Variants in IFI27L1 observed in about 807,000 individuals in gnomAD.
IFI27L1 encodes the protein interferon alpha-inducible protein 27-like protein 1.
IFI27L1 carries 3 observed loss-of-function variants against 9.2 expected under a neutral mutation model. That is an observed-to-expected ratio of 0.32 (90% confidence interval 0.15 to 0.84). IFI27L1 has a LOEUF of 0.84. Among genes scored for constraint, IFI27L1 ranks in the 40% least tolerant of loss-of-function variants. The pLI, the probability that IFI27L1 is intolerant of heterozygous loss-of-function variation, is 0.56. For missense variants in IFI27L1, 133 were observed against 134.2 expected (o/e 0.99, Z 0.05); for synonymous variants, 53 against 50.0 (o/e 1.06, Z -0.26).
chr14:94,091,507 G>T (rs578062454), intron 1 of IFI27L1, among the ~76,000 whole-genome samples: 5 of 152,160 alleles, frequency 3.3e-5, no homozygotes, highest in African/African-American at 9.6e-5. Context: ...ACCAAATAAG[G>T]CAAATATGTC....
Position 94,101,808 on chromosome 14 carries a change from C to T in IFI27L1, c.62-6C>T, listed in dbSNP as rs762161398. 39 of 1,614,088 alleles carry T rather than the reference C, an allele frequency of 2.4e-5. 1 individual carries two copies. The highest frequency in any genetic ancestry group is 1.8e-4 in the Admixed American group (11 of 60,014). ...GGGGCCAACCCCAAATCTCCACTTC[C>T]CGCAGTTGTGGCTGTGGGGACTGTG... On this transcript the variant is annotated splice_region_variant and splice_polypyrimidine_tract_variant and intron_variant, in intron 3 of 4. Transcript: ENST00000555523.
Position 94,097,104 on chromosome 14 carries a change from A to G in IFI27L1, c.28+139A>G, listed in dbSNP as rs1886703254. 9.1e-6 allele frequency: 6 copies of G among 662,018 alleles called. No individual in the cohort carries two copies. The Admixed American group carries it at 1.9e-4, about 21-fold the overall frequency. 41.0% of individuals were successfully genotyped at this position (662,018 alleles called of 1,614,324 possible). On this transcript the variant is annotated intron_variant, in intron 2 of 4. Transcript: ENST00000555523. Reference sequence around the variant, plus strand: ...ATCCATGGAAAAGAATTATTCAGGAATGAATGACGGGATTTTTAAATCCCA... The same window carrying G: ...ATCCATGGAAAAGAATTATTCAGGAGTGAATGACGGGATTTTTAAATCCCA...
chr14:94,082,455 T>C (rs150727969), intron 1 of IFI27L1, among the ~76,000 whole-genome samples: 1 of 151,814 alleles, frequency 6.6e-6, no homozygotes, highest in Non-Finnish European at 1.5e-5. Flanking sequence ...CAGCAAGTAG[T>C]CAATGTAGAC....
rs866077990 is a variant in IFI27L1, at chr14:94,093,267, C to T, written c.-51-3620C>T. 4.1e-5 allele frequency among the ~76,000 whole-genome samples: 6 copies of T among 147,178 alleles called. 1 individual carries two copies. Among genetic ancestry groups the T allele is most frequent in the South Asian group, 4.4e-4 (2 of 4,584 alleles). On this transcript the variant is annotated intron_variant, in intron 1 of 4. Coordinates refer to ENST00000555523, the MANE Select transcript of IFI27L1 (RefSeq NM_206949.3). Reference sequence around the variant, plus strand: ...TTGCAAGCTCTGCCTCCTGGGTTCACGCCATTCTCCTGCCTCAGCCTCCCG... The same window carrying T: ...TTGCAAGCTCTGCCTCCTGGGTTCATGCCATTCTCCTGCCTCAGCCTCCCG...
At chr14:94,084,016 G>A (rs1323342864) in intron 1 of IFI27L1, among the ~76,000 whole-genome samples, 1 of 151,794 alleles carries the variant, frequency 6.6e-6, no homozygotes, top group Admixed American at 6.6e-5. Flanking sequence ...GCAAAATGAT[G>A]GCAAAGTTTC....
chr14:94,086,152 A>ATG (rs1203409579), intron 1 of IFI27L1, among the ~76,000 whole-genome samples: 1 of 150,916 alleles, frequency 6.6e-6, no homozygotes, highest in Non-Finnish European at 1.5e-5. Flanking sequence ...CTCTGAGTTC[A>ATG]TGTGAGATCT....
At chr14:94,096,520 C>T (rs535429508) in intron 1 of IFI27L1, among the ~76,000 whole-genome samples, 1 of 152,112 alleles carries the variant, frequency 6.6e-6, no homozygotes, top group East Asian at 1.9e-4. Flanking sequence ...ATGGTGAAAC[C>T]CTGTCTCTAC....
At chr14:94,096,511 T>C (rs1394171907) in intron 1 of IFI27L1, among the ~76,000 whole-genome samples, 1 of 152,086 alleles carries the variant, frequency 6.6e-6, no homozygotes, top group East Asian at 1.9e-4. Flanking sequence ...CTGACCAACA[T>C]GGTGAAACCC....
chr14:94,084,045 A>C (rs1886198771), intron 1 of IFI27L1, among the ~76,000 whole-genome samples: 1 of 152,254 alleles, frequency 6.6e-6, no homozygotes, highest in African/African-American at 2.4e-5. Context: ...TAGTGGAAAC[A>C]TAGGTATTTT....
In IFI27L1 at chr14:94,096,923, G is replaced by T; in HGVS notation, c.-15G>T. 1 of 1,613,410 alleles carries T rather than the reference G, an allele frequency of 6.2e-7. No homozygotes were observed. The highest frequency in any genetic ancestry group is 8.5e-7 in the Non-Finnish European group (1 of 1,179,508). ...AGAATCCGAGTGGAGGCTCACCGAG[G>T]CGAAGGGGCCAACCATGGGAAAGGA... On this transcript the variant is annotated 5_prime_UTR_variant, in exon 2 of 5. Transcript: ENST00000555523.
chr14:94,088,590 C>G (rs1015340463), intron 1 of IFI27L1, among the ~76,000 whole-genome samples: 9 of 151,860 alleles, frequency 5.9e-5, no homozygotes, highest in Non-Finnish European at 8.8e-5. Context: ...AGCTCCACCC[C>G]CTGGAACAAT....
At chr14:94,101,121 C>T in intron 3 of IFI27L1, 2 of 482,226 alleles carry the variant, frequency 4.1e-6, no homozygotes, top group Non-Finnish European at 7.4e-6. Context: ...GTCAGCTGAG[C>T]TGTGTCTCAT....
chr14:94,085,007 A>G (rs1234669008), intron 1 of IFI27L1, among the ~76,000 whole-genome samples: 1 of 152,214 alleles, frequency 6.6e-6, no homozygotes, highest in Non-Finnish European at 1.5e-5. Context: ...GGGAAAAAAA[A>G]AAGTAATCAA....
intron 1 of IFI27L1, among the ~76,000 whole-genome samples, chr14:94,095,974 G>T (rs1040216980): frequency 3.9e-5 from 6 of 152,202 alleles, no homozygotes; most frequent in South Asian, 2.1e-4. Context: ...GAGCATAAGT[G>T]GGGGTATAGT....
intron 1 of IFI27L1, among the ~76,000 whole-genome samples, chr14:94,094,091 C>T (rs922087200): frequency 5.3e-5 from 8 of 152,178 alleles, no homozygotes; most frequent in Middle Eastern, 6.8e-3. Flanking sequence ...AGTCCTGCAA[C>T]GATGCTTGAC....
intron 1 of IFI27L1, 140 bp downstream of exon 1, chr14:94,081,589 G>C (rs1467217861): frequency 6.6e-6 from 1 of 152,340 alleles, no homozygotes; most frequent in African/African-American, 2.4e-5. Context: ...AGTTTATTAA[G>C]TACTTTACTC....
intron 1 of IFI27L1, among the ~76,000 whole-genome samples, chr14:94,092,730 C>T (rs1427922351): frequency 6.6e-6 from 1 of 152,098 alleles, no homozygotes; most frequent in East Asian, 1.9e-4. Context: ...GTGTCCCCAC[C>T]CAAATCTCTT....
At chr14:94,095,750 A>G (rs1364068111) in intron 1 of IFI27L1, among the ~76,000 whole-genome samples, 2 of 152,196 alleles carry the variant, frequency 1.3e-5, no homozygotes, top group Admixed American at 6.5e-5. Flanking sequence ...CCAAGCCACC[A>G]TGAGGGATTT....
In IFI27L1 at chr14:94,100,728, T is replaced by G. The variant is rs112338169; in HGVS notation, c.29-11T>G. 1.4e-5 allele frequency: 22 copies of G among 1,612,578 alleles called. No homozygotes were observed. The highest frequency in any genetic ancestry group is 8.0e-5 in the African/African-American group (6 of 74,832). ...TTTGTTTGTTGTTGTTGTTGTTGTT[T>G]TTGTCTCCAGGCAGGGCTGCTGTAG... On this transcript the variant is annotated splice_polypyrimidine_tract_variant and intron_variant, in intron 2 of 4. Transcript: ENST00000555523.
Sources: allele counts gnomAD v4.1 joint callset (sites outside exome capture counted in the v4.1 genomes callset), GRCh38; gene constraint gnomAD v4.1.1; transcripts MANE v1.5; gene names NCBI Gene and HGNC (gene_info 2026-07-23, HGNC 2026-07-21).